The following MACROD2 variants were observed in gnomAD, a reference collection of about 807,000 sequenced individuals.
MACROD2 encodes the protein mono-ADP ribosylhydrolase 2.
MACROD2 carries 36 observed loss-of-function variants against 70.4 expected under a neutral mutation model. The observed-to-expected ratio is 0.51, with a 90% confidence interval of 0.39 to 0.68. The LOEUF is 0.68. Ranked by LOEUF, MACROD2 falls within the 30% of genes least tolerant of loss-of-function variation. The probability of loss-of-function intolerance (pLI) is 0.00; values close to 1 mark genes in which losing one functional copy is unlikely to be tolerated. For missense variants in MACROD2, 496 were observed against 538.4 expected (o/e 0.92, Z 0.78); for synonymous variants, 172 against 178.8 (o/e 0.96, Z 0.30).
At chr20:15,334,841 A>G (rs1312760498) in intron 6 of MACROD2, among the ~76,000 whole-genome samples, 1 of 151,788 alleles carries the variant, frequency 6.6e-6, no homozygotes, top group African/African-American at 2.4e-5. Context: ...AACCTCGATT[A>G]GAAACATGAT....
intron 3 of MACROD2, among the ~76,000 whole-genome samples, chr20:14,125,432 C>T (rs1308126445): frequency 6.6e-6 from 1 of 152,072 alleles, no homozygotes; most frequent in Non-Finnish European, 1.5e-5. Flanking sequence ...GCTTAGGCTA[C>T]CTTGTTGGGG....
chr20:14,811,742 A>T (rs147962844), intron 5 of MACROD2, among the ~76,000 whole-genome samples: 1 of 152,002 alleles, frequency 6.6e-6, no homozygotes, highest in Non-Finnish European at 1.5e-5. Flanking sequence ...AAGAAAAAAA[A>T]CAACCCCATC....
At chr20:14,796,721 T>C (rs2089547720) in intron 5 of MACROD2, among the ~76,000 whole-genome samples, 1 of 152,080 alleles carries the variant, frequency 6.6e-6, no homozygotes, top group Admixed American at 6.6e-5. Flanking sequence ...AACTTTGCTT[T>C]ACCACATAGA....
At chr20:14,678,455 G>C (rs958328409) in intron 4 of MACROD2, among the ~76,000 whole-genome samples, 1 of 152,066 alleles carries the variant, frequency 6.6e-6, no homozygotes, top group Non-Finnish European at 1.5e-5. Context: ...GAGCTTAGTT[G>C]TCTTTTTTCC....
chr20:14,500,986 C>T (rs947021580), intron 4 of MACROD2, among the ~76,000 whole-genome samples: 1 of 151,646 alleles, frequency 6.6e-6, no homozygotes, highest in African/African-American at 2.4e-5. Context: ...TCGGTTTTGA[C>T]CAGTTTACTT....
intron 5 of MACROD2, among the ~76,000 whole-genome samples, chr20:15,146,662 T>C (rs948937031): frequency 1.3e-5 from 2 of 152,176 alleles, no homozygotes; most frequent in African/African-American, 4.8e-5. Context: ...TTCCATCTCT[T>C]TTCCTGACTC....
chr20:14,300,421 G>A (rs1384883385), intron 3 of MACROD2, among the ~76,000 whole-genome samples: 1 of 152,146 alleles, frequency 6.6e-6, no homozygotes, highest in African/African-American at 2.4e-5. Context: ...TAATGCTTTC[G>A]TTTAGTTCAG....
chr20:15,118,604 C>T lies in MACROD2; in HGVS notation c.419-111336C>T, dbSNP rs75149666. Among the ~76,000 whole-genome samples, 1,331 of 152,196 alleles carry T rather than the reference C, an allele frequency of 8.7e-3. 22 individuals are homozygous for T. Among genetic ancestry groups the T allele is most frequent in the African/African-American group, 0.03 (1,258 of 41,526 alleles). Reference sequence around the variant, plus strand: ...GAGAATTCTCCTTAAAGCATTTGTCCTCAGTTTCAAAGGAAATCAGTTCTG... The same window carrying T: ...GAGAATTCTCCTTAAAGCATTTGTCTTCAGTTTCAAAGGAAATCAGTTCTG... On this transcript the variant is annotated intron_variant, in intron 5 of 17. Transcript: ENST00000684519.
rs1453332464 is a variant in MACROD2 at position 14,098,460 on chromosome 20, CA to C, written c.271+12737del. Among the ~76,000 whole-genome samples the C allele has an allele frequency of 9.2e-5, 14 of 152,150 alleles. No homozygotes were observed. In the East Asian group the frequency reaches 2.7e-3, roughly 29 times the overall value. The stretch of plus-strand genomic sequence containing the variant: ...TTAGTTGTGAATGTCATACTTGTGT[CA>C]AAAATTGAGATGATGTCATAAGATT... On this transcript the variant is annotated intron_variant, in intron 3 of 17. Transcript: ENST00000684519.
chr20:14,015,828 A>G (rs2052981560), intron 2 of MACROD2, among the ~76,000 whole-genome samples: 1 of 152,206 alleles, frequency 6.6e-6, no homozygotes, highest in South Asian at 2.1e-4. Flanking sequence ...TTAAGGCCGA[A>G]TATTATTACA....
intron 5 of MACROD2, among the ~76,000 whole-genome samples, chr20:15,041,650 C>T (rs2075357532): frequency 6.6e-6 from 1 of 152,102 alleles, no homozygotes; most frequent in African/African-American, 2.4e-5. Context: ...CCCTGTGTTG[C>T]CCAGGCTGGT....
At chr20:15,690,409 A>G (rs1037371107) in intron 8 of MACROD2, among the ~76,000 whole-genome samples, 3 of 152,172 alleles carry the variant, frequency 2.0e-5, no homozygotes, top group Non-Finnish European at 4.4e-5. Flanking sequence ...GAAACAAGTT[A>G]AAGTTCCATT....
chr20:14,561,936 T>A (rs1402493333), intron 4 of MACROD2, among the ~76,000 whole-genome samples: 1 of 151,604 alleles, frequency 6.6e-6, no homozygotes, highest in African/African-American at 2.4e-5. Context: ...TAATTCCAAG[T>A]TGAGGTCAAA....
chr20:14,252,375 T>G (rs1468514004), intron 3 of MACROD2, among the ~76,000 whole-genome samples: 1 of 152,044 alleles, frequency 6.6e-6, no homozygotes, highest in Non-Finnish European at 1.5e-5. Context: ...TGGCCACCTT[T>G]CCCTCATCTA....
chr20:15,704,389 C>T lies in MACROD2; in HGVS notation c.646-158356C>T, dbSNP rs115094828. On this transcript the variant is annotated intron_variant, in intron 8 of 17. Transcript: ENST00000684519. Reference sequence around the variant, plus strand: ...TCAGTTCTTCCTATTCGAGGAAATCCTCCACTACTACTACAAAAACCTGCA... The same window carrying T: ...TCAGTTCTTCCTATTCGAGGAAATCTTCCACTACTACTACAAAAACCTGCA... Among the ~76,000 whole-genome samples the T allele has an allele frequency of 7.7e-3, 1,175 of 152,062 alleles. 10 individuals are homozygous for T. Among genetic ancestry groups the T allele is most frequent in the African/African-American group, 0.027 (1,129 of 41,462 alleles).
rs902705679 is a variant in MACROD2, at chr20:14,635,977, A to G, written c.302-48866A>G. ...CATGTTTATAAACTAAATTAGTCTA[A>G]TGTTCAATGGGAAAAGTGGAATTTG... On this transcript the variant is annotated intron_variant, in intron 4 of 17. Coordinates refer to ENST00000684519, the MANE Select transcript of MACROD2 (RefSeq NM_001351661.2). Among the ~76,000 whole-genome samples the G allele has an allele frequency of 3.3e-5, 5 of 152,156 alleles. No homozygotes were observed. In the South Asian group the frequency reaches 8.3e-4, roughly 25 times the overall value.
At chr20:15,158,207 C>G (rs966161655) in intron 5 of MACROD2, among the ~76,000 whole-genome samples, 10 of 152,268 alleles carry the variant, frequency 6.6e-5, no homozygotes, top group African/African-American at 2.2e-4. Context: ...ACGTGGCTTT[C>G]AACTTGCAGG....
intron 5 of MACROD2, among the ~76,000 whole-genome samples, chr20:15,079,337 C>T (rs1043067771): frequency 6.6e-6 from 1 of 152,038 alleles, no homozygotes; most frequent in Non-Finnish European, 1.5e-5. Context: ...CCTAAGCCCC[C>T]CAGTTCCTTG....
At chr20:15,870,768 C>A (rs75969509) in intron 9 of MACROD2, among the ~76,000 whole-genome samples, 5,906 of 152,242 alleles carry the variant, frequency 0.039, 176 homozygotes, top group Middle Eastern at 0.078. Context: ...CAGATTAAGA[C>A]AGAGAGAATA....
Sources: gnomAD v4.1 joint callset for allele counts (sites outside exome capture counted in the v4.1 genomes callset) on GRCh38, gnomAD v4.1.1 for gene constraint, MANE v1.5 for transcripts, NCBI Gene and HGNC (gene_info 2026-07-23, HGNC 2026-07-21) for gene names.